MIB1: variants seen among roughly 807,000 people sequenced by gnomAD.
MIB1 encodes E3 ubiquitin-protein ligase MIB1.
MIB1 carries 278 observed loss-of-function variants against 124.5 expected under a neutral mutation model. The ratio of observed to expected loss-of-function variants is 2.23; its 90% CI spans 2.02 to 2.47. The LOEUF (loss-of-function observed/expected upper bound fraction) is 2.47, where lower values mean the gene tolerates loss of function less well. MIB1 is among the 30% of genes most tolerant of loss of function. The pLI is 0.00. For synonymous variants in MIB1, 446 were observed against 429.4 expected, an observed-to-expected ratio of 1.04 and a Z score of -0.48; for missense variants, 957 against 1,254.4, an observed-to-expected ratio of 0.76 and a Z score of 3.58.
At chr18:21,791,719 A>G (rs1184712239) in intron 7 of MIB1, among the ~76,000 whole-genome samples, 162 bp downstream of exon 7, 1 of 152,214 alleles carries the variant, frequency 6.6e-6, no homozygotes, top group Non-Finnish European at 1.5e-5. Context: ...AATTTATCCC[A>G]GTTAAATTAG....
At chr18:21,789,636 G>A (rs917560032) in intron 6 of MIB1, among the ~76,000 whole-genome samples, 1 of 152,064 alleles carries the variant, frequency 6.6e-6, no homozygotes, top group Admixed American at 6.5e-5. Flanking sequence ...GGCCAACGTA[G>A]CGAAACCCTG....
chr18:21,766,958 T>G (rs1197072391), intron 2 of MIB1, among the ~76,000 whole-genome samples: 1 of 152,144 alleles, frequency 6.6e-6, no homozygotes, highest in Non-Finnish European at 1.5e-5. Context: ...CCTTTCTGAT[T>G]ATGTGAATGA....
At chr18:21,774,074 TC>T (rs778907541) in intron 4 of MIB1, among the ~76,000 whole-genome samples, 5 of 152,218 alleles carry the variant, frequency 3.3e-5, no homozygotes, top group African/African-American at 4.8e-5. Context: ...ATATTTGTAT[TC>T]TGTGCTCTGG....
rs1469686989 is a variant in MIB1 at position 21,741,509 on chromosome 18, A to G, written c.-75A>G. The G allele has an allele frequency of 2.8e-6, 3 of 1,078,024 alleles. No homozygotes were observed. Among genetic ancestry groups the G allele is most frequent in the Admixed American group, 9.7e-5 (2 of 20,556 alleles). 66.8% of individuals were successfully genotyped at this position (1,078,024 alleles called of 1,614,324 possible). ...GACGCCTAGAGTCCGGCCCGGGCCC[A>G]ACTCCCTCACGGGCCCCCCGGCGGC... On this transcript the variant is annotated 5_prime_UTR_variant, in exon 1 of 21. Transcript: ENST00000261537. The surrounding 1 kb of genome is among the most constrained non-coding windows in gnomAD (Gnocchi z 5.4).
intron 12 of MIB1, chr18:21,829,489 T>G (rs1174847723): frequency 6.6e-6 from 1 of 152,364 alleles, no homozygotes; most frequent in East Asian, 1.9e-4. Context: ...TTCAATTTTT[T>G]TTTTACAAAC....
rs1253117408 is a variant in MIB1 at position 21,870,953 on chromosome 18, A to G, written c.*6287A>G. On this transcript the variant is annotated 3_prime_UTR_variant, in exon 21 of 21. Coordinates refer to ENST00000261537, the MANE Select transcript of MIB1 (RefSeq NM_020774.4). ...TTTAAAAATAAAGACATTTTAGAAA[A>G]TTTGCTTTATATTTTTCATCATTGA... 6.6e-6 allele frequency: 1 copy of G among 152,152 alleles called. No homozygotes were observed. Among genetic ancestry groups the G allele is most frequent in the Non-Finnish European group, 1.5e-5 (1 of 68,036 alleles). The allele number at this position is 152,152 out of a possible 1,614,324, so 9.4% of individuals were successfully genotyped here. A position where few individuals can be genotyped will look rare whatever the true frequency, so the allele number is the denominator to read the frequency against.
At chr18:21,835,079 C>T (rs2042014503) in intron 12 of MIB1, among the ~76,000 whole-genome samples, 1 of 152,172 alleles carries the variant, frequency 6.6e-6, no homozygotes, top group African/African-American at 2.4e-5. Flanking sequence ...GGGCTATCTG[C>T]AGTGTTTCTC....
chr18:21,766,455 G>A (rs1358121346), intron 2 of MIB1, among the ~76,000 whole-genome samples: 1 of 152,182 alleles, frequency 6.6e-6, no homozygotes, highest in Non-Finnish European at 1.5e-5. Context: ...CTGTGTTAGA[G>A]ATATGTATTA....
intron 1 of MIB1, among the ~76,000 whole-genome samples, chr18:21,714,275 G>C (rs571443951): frequency 6.6e-6 from 1 of 152,232 alleles, no homozygotes; most frequent in East Asian, 1.9e-4. Context: ...TTGTTGGACT[G>C]GGAGTTTCAT....
At chr18:21,765,128 A>G (rs1159198201) in intron 1 of MIB1, among the ~76,000 whole-genome samples, 15 of 152,188 alleles carry the variant, frequency 9.9e-5, no homozygotes, top group Admixed American at 8.5e-4. Context: ...TCATTCATCC[A>G]TGTGATTAAT....
At chr18:21,724,723 A>AAG (rs1555685673) in intron 1 of MIB1, among the ~76,000 whole-genome samples, 1 of 53,866 alleles carries the variant, frequency 1.9e-5, no homozygotes, top group Admixed American at 2.4e-4. Context: ...AAAAAAAAAA[A>AAG]AAAAATATAT....
chr18:21,781,415 A>ATATG (rs1568199129), intron 6 of MIB1, among the ~76,000 whole-genome samples: 9 of 99,484 alleles, frequency 9.0e-5, no homozygotes, highest in African/African-American at 3.6e-4. Context: ...ATATATATAT[A>ATATG]AAATTATTAT....
chr18:21,741,553 G>C lies in MIB1; in HGVS notation c.-31G>C. The C allele has an allele frequency of 7.6e-7, 1 of 1,313,698 alleles. No homozygotes were observed. The highest frequency in any genetic ancestry group is 9.7e-7 in the Non-Finnish European group (1 of 1,029,648). 81.4% of individuals were successfully genotyped at this position (1,313,698 alleles called of 1,614,324 possible). ...CGGCGGCAGCGGCGGCGGCGGCGGC[G>C]GCAGCGGCGGAGCCCACCGCCCGGG... On this transcript the variant is annotated 5_prime_UTR_variant, in exon 1 of 21. Transcript: ENST00000261537. The surrounding 1 kb of genome is among the most constrained non-coding windows in gnomAD (Gnocchi z 5.4).
intron 1 of MIB1, among the ~76,000 whole-genome samples, chr18:21,728,026 CAT>C (rs755493962): frequency 1.3e-5 from 2 of 152,260 alleles, no homozygotes; most frequent in Admixed American, 6.5e-5. Context: ...AGCGAATAAA[CAT>C]GTGTTTTAAG....
intron 1 of MIB1, among the ~76,000 whole-genome samples, chr18:21,716,479 A>T (rs1339384454): frequency 1.3e-5 from 2 of 152,240 alleles, no homozygotes; most frequent in African/African-American, 4.8e-5. Context: ...AAGCAAACGT[A>T]CACAGGCAAC....
exon 1 of MIB1, chr18:21,704,981 A>C (rs1318785838): frequency 9.2e-6 from 2 of 217,758 alleles, no homozygotes; most frequent in Non-Finnish European, 1.8e-5. Flanking sequence ...GCTAGGTCGC[A>C]GTGGGCGATG....
chr18:21,738,724 G>A (rs746365259), upstream of MIB1, among the ~76,000 whole-genome samples: 1 of 147,314 alleles, frequency 6.8e-6, no homozygotes, highest in Non-Finnish European at 1.5e-5. Flanking sequence ...GGAGAATGGC[G>A]TGAACCCGGG....
rs201897648 is a variant in MIB1 at position 21,821,406 on chromosome 18, TC to T, written c.1829+1761del. 6.1e-3 allele frequency among the ~76,000 whole-genome samples: 933 copies of T among 152,222 alleles called. 8 individuals carry two copies. The highest frequency in any genetic ancestry group is 0.021 in the African/African-American group (878 of 41,554). ...CCAATCCCTCAGCCCGCTTTGCCCA[TC>T]GTCTATTCTCCTTTCCTAAAATATG... On this transcript the variant is annotated intron_variant, in intron 12 of 20. Transcript: ENST00000261537.
At chr18:21,838,786 C>T (rs1235362085) in intron 13 of MIB1, among the ~76,000 whole-genome samples, 2 of 152,168 alleles carry the variant, frequency 1.3e-5, no homozygotes, top group African/African-American at 4.8e-5. Context: ...AGAGATTTCC[C>T]AGAATGGCTG....
Sources: gnomAD v4.1 joint callset for allele counts (sites outside exome capture counted in the v4.1 genomes callset) on GRCh38, gnomAD v4.1.1 for gene constraint, Gnocchi (gnomAD v3.1) non-coding constraint, MANE v1.5 for transcripts, NCBI Gene and HGNC (gene_info 2026-07-23, HGNC 2026-07-21) for gene names.